CAMTA1: variants seen among roughly 807,000 people sequenced by gnomAD.
The protein encoded by CAMTA1 is calmodulin-binding transcription activator 1.
A neutral mutation model predicts 170.9 loss-of-function variants in CAMTA1; 27 were observed. That is an observed-to-expected ratio of 0.16 (90% CI 0.12 to 0.22). The LOEUF is 0.22. Among genes scored for constraint, CAMTA1 ranks in the 10% least tolerant of loss-of-function variants. CAMTA1 has a pLI of 1.00. For synonymous variants in CAMTA1, 833 were observed against 891.5 expected (o/e 0.93, Z 1.17); for missense variants, 1,619 against 2,217.2 (o/e 0.73, Z 5.42).
rs117006100 is a variant in CAMTA1 at position 6,904,906 on chromosome 1, C to T, written c.234+79696C>T. ...CCACACCTGGCCTAAGCCTTTGTTT[C>T]GTATTGCACGCTGAACACTCCGACT... On this transcript the variant is annotated intron_variant, in intron 3 of 22. Coordinates refer to ENST00000303635, the MANE Select transcript of CAMTA1 (RefSeq NM_015215.4). Among the ~76,000 whole-genome samples the T allele has an allele frequency of 3.3e-5, 5 of 151,934 alleles. No homozygotes were observed. In the East Asian group the frequency reaches 7.8e-4, roughly 24 times the overall value.
At chr1:7,153,204 A>C (rs1392814832) in intron 4 of CAMTA1, among the ~76,000 whole-genome samples, 1 of 152,132 alleles carries the variant, frequency 6.6e-6, no homozygotes, top group East Asian at 1.9e-4. Context: ...TTAGACCTTT[A>C]ATGGAAAGAT....
intron 3 of CAMTA1, among the ~76,000 whole-genome samples, chr1:6,882,800 A>G (rs1671988674): frequency 6.6e-6 from 1 of 152,158 alleles, no homozygotes; most frequent in African/African-American, 2.4e-5. Context: ...AGAAGTCCAG[A>G]CATGGAGCCC....
At chr1:7,348,441 G>A (rs1049413076) in intron 5 of CAMTA1, among the ~76,000 whole-genome samples, 21 of 152,164 alleles carry the variant, frequency 1.4e-4, no homozygotes, top group African/African-American at 4.8e-4. Flanking sequence ...TGGGGGTCGT[G>A]GGGCCCACTC....
At chr1:6,798,293 A>G (rs1033000116) in intron 1 of CAMTA1, among the ~76,000 whole-genome samples, 5 of 152,092 alleles carry the variant, frequency 3.3e-5, no homozygotes, top group Non-Finnish European at 7.4e-5. Flanking sequence ...CAGCCTAAAA[A>G]AGGAATATTT....
intron 5 of CAMTA1, among the ~76,000 whole-genome samples, chr1:7,424,818 A>T (rs1299417399): frequency 6.6e-6 from 1 of 152,052 alleles, no homozygotes; most frequent in Non-Finnish European, 1.5e-5. Flanking sequence ...GCAGTGGGGA[A>T]GCCATCCCTG....
At chr1:7,666,419 C>T (rs576723450) in intron 9 of CAMTA1, among the ~76,000 whole-genome samples, 69 of 152,298 alleles carry the variant, frequency 4.5e-4, no homozygotes, top group Non-Finnish European at 6.8e-4. Flanking sequence ...CCTCAGCTCC[C>T]GGGGATCTGA....
intron 5 of CAMTA1, among the ~76,000 whole-genome samples, chr1:7,467,470 T>A (rs536365284): frequency 6.6e-6 from 1 of 152,320 alleles, no homozygotes; most frequent in East Asian, 1.9e-4. Context: ...GGTCTTAACC[T>A]AGGCTCTAGG....
chr1:7,526,635 A>G (rs867965613), intron 6 of CAMTA1, among the ~76,000 whole-genome samples: 1 of 152,232 alleles, frequency 6.6e-6, no homozygotes, highest in Non-Finnish European at 1.5e-5. Flanking sequence ...GTGTGTGGTG[A>G]TTCATGGCAG....
At chr1:7,762,375 C>T (rs1324212690) in intron 22 of CAMTA1, among the ~76,000 whole-genome samples, 1 of 152,106 alleles carries the variant, frequency 6.6e-6, no homozygotes, top group African/African-American at 2.4e-5. Context: ...TAAATTTAGC[C>T]ATTTGAAACA....
chr1:7,343,503 A>G (rs1172181205), intron 5 of CAMTA1, among the ~76,000 whole-genome samples: 1 of 152,254 alleles, frequency 6.6e-6, no homozygotes, highest in African/African-American at 2.4e-5. Context: ...TCAGTTCATG[A>G]CACACTATTG....
chr1:6,934,102 C>T lies in CAMTA1; in HGVS notation c.234+108892C>T, dbSNP rs191900637. On this transcript the variant is annotated intron_variant, in intron 3 of 22. Coordinates refer to ENST00000303635, the MANE Select transcript of CAMTA1 (RefSeq NM_015215.4). This position sits in a 1 kb window ranked among gnomAD's most constrained non-coding sequence, Gnocchi z 4.5. ...TATGCCACCTGCTGTCCTGCCACACCGGTGGGTGTAGGACCATATGAGTGA... is the reference window on the plus strand; with the variant it reads ...TATGCCACCTGCTGTCCTGCCACACTGGTGGGTGTAGGACCATATGAGTGA... Among the ~76,000 whole-genome samples, 518 of 152,330 alleles carry T rather than the reference C, an allele frequency of 3.4e-3. 4 individuals carry two copies. The highest frequency in any genetic ancestry group is 0.011 in the African/African-American group (447 of 41,582).
chr1:7,718,641 C>G (rs1251039830), intron 11 of CAMTA1, among the ~76,000 whole-genome samples: 1 of 148,686 alleles, frequency 6.7e-6, no homozygotes, highest in Non-Finnish European at 1.5e-5. Flanking sequence ...GCTGCAACTT[C>G]TGCCCCGCCA....
intron 7 of CAMTA1, among the ~76,000 whole-genome samples, chr1:7,657,265 C>G (rs1275337949): frequency 6.6e-6 from 1 of 152,186 alleles, no homozygotes; most frequent in Non-Finnish European, 1.5e-5. Context: ...TCTCCACCAC[C>G]TGAGCAGACC....
At chr1:6,895,499 A>G (rs971364613) in intron 3 of CAMTA1, among the ~76,000 whole-genome samples, 24 of 152,240 alleles carry the variant, frequency 1.6e-4, no homozygotes, top group Non-Finnish European at 3.5e-4. Flanking sequence ...AGGGCAATCT[A>G]TGAAGAATGT....
At chr1:7,303,446 C>T (rs12404738) in intron 5 of CAMTA1, among the ~76,000 whole-genome samples, 1 of 152,160 alleles carries the variant, frequency 6.6e-6, no homozygotes, top group African/African-American at 2.4e-5. Context: ...CTGAGCTATA[C>T]TCTATGTCTC....
chr1:6,848,599 A>G (rs1487895533), intron 3 of CAMTA1, among the ~76,000 whole-genome samples: 2 of 152,222 alleles, frequency 1.3e-5, no homozygotes, highest in African/African-American at 2.4e-5. Flanking sequence ...GTTTTTAGAC[A>G]TTGGCAGTAG....
chr1:6,821,628 A>G (rs12044121), intron 2 of CAMTA1, among the ~76,000 whole-genome samples: 47,203 of 151,996 alleles, frequency 0.31, 7,558 homozygotes, highest in Admixed American at 0.4. Flanking sequence ...AACAGTGTTC[A>G]TCATTATTCA....
chr1:7,227,223 C>T (rs1210735116), intron 4 of CAMTA1, among the ~76,000 whole-genome samples: 1 of 152,192 alleles, frequency 6.6e-6, no homozygotes, highest in Non-Finnish European at 1.5e-5. Context: ...GTGCCCCTGT[C>T]CGCCCAAATT....
chr1:6,933,785 A>G (rs1684841675), intron 3 of CAMTA1, among the ~76,000 whole-genome samples: 1 of 151,834 alleles, frequency 6.6e-6, no homozygotes, highest in African/African-American at 2.4e-5. Flanking sequence ...ATCCATATAT[A>G]TGAAGGTCTA....
Sources: gnomAD v4.1 joint callset for allele counts (sites outside exome capture counted in the v4.1 genomes callset) on GRCh38, gnomAD v4.1.1 for gene constraint, Gnocchi (gnomAD v3.1) non-coding constraint, MANE v1.5 for transcripts, NCBI Gene and HGNC (gene_info 2026-07-23, HGNC 2026-07-21) for gene names.